The following STX8 variants were observed in gnomAD, a reference collection of about 807,000 sequenced individuals.
STX8 encodes syntaxin 8.
STX8 carries 23 observed loss-of-function variants against 37.5 expected under a neutral mutation model. That is an observed-to-expected ratio of 0.61 (90% CI 0.44 to 0.87). The LOEUF (loss-of-function observed/expected upper bound fraction) is 0.87. Ranked by LOEUF, STX8 falls within the 40% of genes least tolerant of loss-of-function variation. The pLI is 0.00. For missense variants in STX8, 313 were observed against 284.7 expected, an observed-to-expected ratio of 1.10 and a Z score of -0.71; for synonymous variants, 115 against 99.1, an observed-to-expected ratio of 1.16 and a Z score of -0.95.
chr17:9,472,650 T>G (rs1905918861), intron 6 of STX8, among the ~76,000 whole-genome samples: 1 of 152,250 alleles, frequency 6.6e-6, no homozygotes, highest in Admixed American at 6.5e-5. Context: ...CCTTCTCCAA[T>G]TCAGCTGCTA....
At chr17:9,477,057 TG>T (rs1329259748) in intron 6 of STX8, among the ~76,000 whole-genome samples, 1 of 152,082 alleles carries the variant, frequency 6.6e-6, no homozygotes, top group Non-Finnish European at 1.5e-5. Flanking sequence ...GGGGTCTCCC[TG>T]TATTTCCCAG....
intron 6 of STX8, chr17:9,452,507 T>G: frequency 6.6e-6 from 1 of 152,054 alleles, no homozygotes; most frequent in African/African-American, 2.4e-5. Flanking sequence ...AAGGTTCAGG[T>G]AGGTGGTAGG....
intron 6 of STX8, among the ~76,000 whole-genome samples, chr17:9,419,805 T>C (rs1406621580): frequency 6.6e-6 from 1 of 152,034 alleles, no homozygotes; most frequent in South Asian, 2.1e-4. Flanking sequence ...GTGAGAAGAG[T>C]GAGCAGAAAT....
At chr17:9,293,753 C>A (rs1221187732) in intron 7 of STX8, among the ~76,000 whole-genome samples, 1 of 150,702 alleles carries the variant, frequency 6.6e-6, no homozygotes, top group South Asian at 2.1e-4. Context: ...TATGTGGTCA[C>A]CATTTATAGT....
intron 5 of STX8, among the ~76,000 whole-genome samples, chr17:9,500,863 C>G (rs565074063): frequency 1.3e-5 from 2 of 151,778 alleles, no homozygotes; most frequent in Non-Finnish European, 1.5e-5. Flanking sequence ...AAATTAGCCG[C>G]GCGTGGTGGC....
intron 7 of STX8, among the ~76,000 whole-genome samples, chr17:9,277,603 C>G (rs573316783): frequency 6.6e-6 from 1 of 152,068 alleles, no homozygotes; most frequent in Non-Finnish European, 1.5e-5. Context: ...ATTCAAACAA[C>G]CACACAATAA....
chr17:9,260,892 C>T (rs747114683), intron 7 of STX8, among the ~76,000 whole-genome samples: 1 of 151,984 alleles, frequency 6.6e-6, no homozygotes, highest in Non-Finnish European at 1.5e-5. Context: ...AACACAGAAA[C>T]GTGGAAAGAA....
intron 6 of STX8, among the ~76,000 whole-genome samples, chr17:9,487,138 C>G (rs572686774): frequency 7.5e-4 from 114 of 152,112 alleles, no homozygotes; most frequent in Non-Finnish European, 1.2e-3. Context: ...TTTTAATTCT[C>G]TATGAGGAAA....
In STX8 at chr17:9,267,354, T is replaced by A. The variant is rs1484772174; in HGVS notation, c.644-16709A>T. ...TCTCAACTGAGATTAGCTACTAGTCTCACCTGCTGGAAATTGTTCTTGCTA... is the reference window on the plus strand; with the variant it reads ...TCTCAACTGAGATTAGCTACTAGTCACACCTGCTGGAAATTGTTCTTGCTA... On this transcript the variant is annotated intron_variant, in intron 7 of 7. Coordinates refer to ENST00000306357, the MANE Select transcript of STX8 (RefSeq NM_004853.3). Among the ~76,000 whole-genome samples, 3 of 152,194 alleles carry A rather than the reference T, an allele frequency of 2.0e-5. No individual in the cohort carries two copies. In the East Asian group the frequency reaches 5.8e-4, roughly 29 times the overall value.
chr17:9,477,019 T>A (rs1399887018), intron 6 of STX8, among the ~76,000 whole-genome samples: 2 of 151,896 alleles, frequency 1.3e-5, no homozygotes, highest in Non-Finnish European at 2.9e-5. Flanking sequence ...CTAATTTTTT[T>A]ATTATTATTA....
At chr17:9,283,264 A>C (rs1907953768) in intron 7 of STX8, 1 of 152,120 alleles carries the variant, frequency 6.6e-6, no homozygotes, top group African/African-American at 2.4e-5. Context: ...ATTCTCAGGC[A>C]AGGAGAGGTG....
chr17:9,479,133 C>G (rs7214499), intron 6 of STX8, among the ~76,000 whole-genome samples: 2,618 of 152,226 alleles, frequency 0.017, 75 homozygotes, highest in African/African-American at 0.058. Flanking sequence ...TAAACACCCC[C>G]TTGCCAATAT....
chr17:9,434,916 G>T (rs559012704), intron 6 of STX8, among the ~76,000 whole-genome samples: 1 of 152,138 alleles, frequency 6.6e-6, no homozygotes, highest in Non-Finnish European at 1.5e-5. Flanking sequence ...ATGTTGCCAC[G>T]GCATTTGTAA....
rs535291644 is a variant in STX8, at chr17:9,339,498, C to T, written c.643+39054G>A. ...TGAAACCCTGTCTCTGCTAAAAATA[C>T]AAAAAATTAGCCAGGCGTCATGGCA... On this transcript the variant is annotated intron_variant, in intron 7 of 7. Coordinates refer to ENST00000306357, the MANE Select transcript of STX8 (RefSeq NM_004853.3). Among the ~76,000 whole-genome samples the T allele has an allele frequency of 3.9e-5, 6 of 152,114 alleles. No individual in the cohort carries two copies. The South Asian group carries it at 1.0e-3, about 26-fold the overall frequency.
chr17:9,491,178 A>C (rs546530688), intron 6 of STX8, among the ~76,000 whole-genome samples: 2 of 152,036 alleles, frequency 1.3e-5, no homozygotes, highest in South Asian at 4.2e-4. Flanking sequence ...TTACCATCTC[A>C]CCCAAAAACC....
intron 7 of STX8, among the ~76,000 whole-genome samples, chr17:9,278,562 C>T (rs1330422908): frequency 6.6e-6 from 1 of 152,100 alleles, no homozygotes; most frequent in Non-Finnish European, 1.5e-5. Context: ...CCTTGAATAA[C>T]TGGGTCAATG....
At chr17:9,383,359 T>G (rs1444090898) in intron 6 of STX8, among the ~76,000 whole-genome samples, 2 of 152,208 alleles carry the variant, frequency 1.3e-5, no homozygotes, top group East Asian at 3.8e-4. Context: ...ATGATCAGAC[T>G]CAAGGAGCTA....
chr17:9,262,994 A>T (rs1214033510), intron 7 of STX8, among the ~76,000 whole-genome samples: 1 of 152,250 alleles, frequency 6.6e-6, no homozygotes, highest in African/African-American at 2.4e-5. Context: ...GGAAAAACAT[A>T]AAAGTCATAT....
At chr17:9,532,420 T>C (rs914064424) in intron 4 of STX8, among the ~76,000 whole-genome samples, 1 of 151,928 alleles carries the variant, frequency 6.6e-6, no homozygotes, top group Non-Finnish European at 1.5e-5. Context: ...CACAAACAAG[T>C]TGGAATAGAG....
Sources: gnomAD v4.1 joint callset for allele counts (sites outside exome capture counted in the v4.1 genomes callset) on GRCh38, gnomAD v4.1.1 for gene constraint, MANE v1.5 for transcripts, NCBI Gene and HGNC (gene_info 2026-07-23, HGNC 2026-07-21) for gene names.